The following SF3B1 variants were observed in gnomAD, a reference collection of about 807,000 sequenced individuals.
SF3B1 encodes splicing factor 3b subunit 1, also known as pre-mRNA processing 10.
A neutral mutation model predicts 153.8 loss-of-function variants in SF3B1; 12 were observed. The ratio of observed to expected loss-of-function variants is 0.08; its 90% CI spans 0.05 to 0.13. The LOEUF is 0.13. Among genes scored for constraint, SF3B1 ranks in the 10% least tolerant of loss-of-function variants. SF3B1 has a pLI of 1.00. For synonymous variants in SF3B1, 498 were observed against 525.2 expected (o/e 0.95, Z 0.71); for missense variants, 513 against 1,606.1 (o/e 0.32, Z 11.63).
intron 4 of SF3B1, 186 bp from the exon 5 acceptor site, chr2:197,418,774 T>G: frequency 6.8e-7 from 1 of 1,468,922 alleles, no homozygotes; most frequent in Non-Finnish European, 9.0e-7. Context: ...TTAACCTGTT[T>G]GAACACAAAC....
At chr2:197,394,118 AG>A (rs2084847394) in intron 23 of SF3B1, among the ~76,000 whole-genome samples, 1 of 152,058 alleles carries the variant, frequency 6.6e-6, no homozygotes, top group South Asian at 2.1e-4. Context: ...TGGGGGGTGG[AG>A]GTTGCAGTGA....
At chr2:197,408,154 G>GTATAA in intron 8 of SF3B1, 35 bp from the exon 9 acceptor site, 1 of 1,526,604 alleles carries the variant, frequency 6.6e-7, no homozygotes, top group Non-Finnish European at 9.0e-7. Flanking sequence ...ATAATCTATA[G>GTATAA]TACAAGACTG....
At chr2:197,408,167 T>C in intron 8 of SF3B1, 48 bp from the exon 9 acceptor site, 1 of 1,487,704 alleles carries the variant, frequency 6.7e-7, no homozygotes, top group Non-Finnish European at 9.3e-7. Context: ...CAAGACTGTA[T>C]TATTACATAC....
chr2:197,421,697 A>G (rs181614002), intron 2 of SF3B1, among the ~76,000 whole-genome samples: 21 of 152,224 alleles, frequency 1.4e-4, no homozygotes, highest in Admixed American at 4.6e-4. Flanking sequence ...ACAGAGACCC[A>G]GCTGGGCAAG....
At chr2:197,405,819 A>G (rs1559267406) in intron 9 of SF3B1, among the ~76,000 whole-genome samples, 1 of 152,140 alleles carries the variant, frequency 6.6e-6, no homozygotes, top group Non-Finnish European at 1.5e-5. Context: ...TCGAGCAAAT[A>G]ATGTTTCATA....
At chr2:197,392,839 A>G in intron 24 of SF3B1, 133 bp downstream of exon 24, 1 of 627,026 alleles carries the variant, frequency 1.6e-6, no homozygotes, top group South Asian at 2.0e-5. Context: ...TGACAGGTTG[A>G]TAGGTGCAGC....
chr2:197,434,846 C>A, intron 1 of SF3B1, 126 bp downstream of exon 1: 1 of 1,026,646 alleles, frequency 9.7e-7, no homozygotes, highest in Non-Finnish European at 1.5e-6. Context: ...AGGAGACGAC[C>A]CTTGGCCCCG....
At chr2:197,416,477 C>T in intron 6 of SF3B1, 2 of 331,536 alleles carry the variant, frequency 6.0e-6, no homozygotes, top group East Asian at 5.0e-5. Flanking sequence ...GACTGATGTC[C>T]TCATAGGAAG....
intron 8 of SF3B1, 81 bp downstream of exon 8, chr2:197,408,288 A>G: frequency 7.2e-7 from 1 of 1,393,322 alleles, no homozygotes; most frequent in African/African-American, 1.4e-5. Flanking sequence ...GTTGACATTA[A>G]TAGTACACAG....
chr2:197,409,774 C>A lies in SF3B1; in HGVS notation c.900G>T (p.Glu300Asp). The change falls in exon 7 of 25, where the codon GAG becomes GAT. Residue 300 changes from glutamate (E) to aspartate (D), a missense_variant. Around this residue, in one of 21 missense-constraint regions of SF3B1, gnomAD observed 91 missense variants for 157.4 expected, o/e 0.58. Coordinates refer to ENST00000335508, the MANE Select transcript of SF3B1 (RefSeq NM_012433.4). ...KNRWDETPKT[E>D]RDTPGHGSGW... ...CCCATACTCCACTAGAAGTACCTCT[C>A]TCTGTTTTGGGGGTTTCATCCCATC... 15 of 1,611,932 alleles carry A rather than the reference C, an allele frequency of 9.3e-6. No homozygotes were observed. The highest frequency in any genetic ancestry group is 1.3e-5 in the Non-Finnish European group (15 of 1,178,040).
At chr2:197,407,197 T>C (rs894854205) in intron 9 of SF3B1, among the ~76,000 whole-genome samples, 11 of 152,226 alleles carry the variant, frequency 7.2e-5, no homozygotes, top group Non-Finnish European at 1.6e-4. Flanking sequence ...AGTTATCTGG[T>C]TCCCCCTGGT....
rs1574536318 is a variant in SF3B1 at position 197,409,903 on chromosome 2, T to C, written c.771A>G (p.Thr257=). ...ATPGSKIWDP[T]PSHTPAGAAT... ...CAGCTCCCGCTGGTGTGTGGCTAGG[T>C]GTAGGATCCCATATTTTTGAGCCTG... is the stretch of plus-strand genomic sequence containing the variant. Residue 257 remains threonine, a synonymous_variant, in exon 7 of 25, where the codon ACA becomes ACG. Transcript: ENST00000335508. 5.0e-6 allele frequency: 8 copies of C among 1,614,042 alleles called. No individual in the cohort carries two copies. The highest frequency in any genetic ancestry group is 3.3e-5 in the South Asian group (3 of 91,080).
rs1212223963 is a variant in SF3B1, at chr2:197,401,384, T to C, written c.2496+16A>G. ...GAAAGGACTTTTGAGAATATTCTTT[T>C]ACAATAAAAGCTTACCTGTCGGTAA... On this transcript the variant is annotated intron_variant, in intron 17 of 24. Transcript: ENST00000335508. This position sits in a 1 kb window ranked among gnomAD's most constrained non-coding sequence, Gnocchi z 4.2. 1.3e-6 allele frequency: 2 copies of C among 1,583,750 alleles called. No homozygotes were observed. Among genetic ancestry groups the C allele is most frequent in the Non-Finnish European group, 8.5e-7 (1 of 1,172,064 alleles).
At chr2:197,395,079 A>T (rs1393549642) in intron 23 of SF3B1, among the ~76,000 whole-genome samples, 1 of 152,204 alleles carries the variant, frequency 6.6e-6, no homozygotes, top group Non-Finnish European at 1.5e-5. Context: ...TTCCAACTGA[A>T]GTATTCTTTT....
At position 197,389,943 on chromosome 2, in the gene SF3B1, A is replaced by C. The variant is rs148619553; in HGVS notation, c.*2360T>G. On this transcript the variant is annotated 3_prime_UTR_variant, in exon 25 of 25. Transcript: ENST00000335508. ...AAAAACCAACAAAGGCCCACAGAAA[A>C]ACCCACCCTGTCTCCTTAAGAACAT... 1.3e-5 allele frequency: 2 copies of C among 152,294 alleles called. No individual in the cohort carries two copies. Among genetic ancestry groups the C allele is most frequent in the East Asian group, 3.9e-4 (2 of 5,188 alleles). 9.4% of individuals were successfully genotyped at this position (152,294 alleles called of 1,614,324 possible). A position where few individuals can be genotyped will look rare whatever the true frequency, so the allele number is the denominator to read the frequency against.
At chr2:197,418,916 A>G (rs758493166) in intron 4 of SF3B1, 4 of 1,599,746 alleles carry the variant, frequency 2.5e-6, no homozygotes, top group Middle Eastern at 3.3e-4. Context: ...CTTTGTCTCC[A>G]TCAGCAGTTC....
chr2:197,399,070 A>C, intron 20 of SF3B1: 1 of 1,300,778 alleles, frequency 7.7e-7, no homozygotes, highest in Non-Finnish European at 1.0e-6. Flanking sequence ...GGCAGCTGGC[A>C]GGGGCTCTTG....
rs1487946935 is a variant in SF3B1, at chr2:197,391,751, T to C, written c.*552A>G. On this transcript the variant is annotated 3_prime_UTR_variant, in exon 25 of 25. Coordinates refer to ENST00000335508, the MANE Select transcript of SF3B1 (RefSeq NM_012433.4). Reference sequence around the variant, plus strand: ...TTCTACGATGATGGAATGGTTGTGCTAGTTTGAGGGGAACATCCCCTGAGG... The same window carrying C: ...TTCTACGATGATGGAATGGTTGTGCCAGTTTGAGGGGAACATCCCCTGAGG... The C allele has an allele frequency of 6.5e-6, 1 of 153,342 alleles. No homozygotes were observed. The highest frequency in any genetic ancestry group is 1.5e-5 in the Non-Finnish European group (1 of 68,692). The allele number at this position is 153,342 out of a possible 1,614,324, so 9.5% of individuals were successfully genotyped here.
chr2:197,396,204 C>G lies in SF3B1; in HGVS notation c.3391G>C (p.Ala1131Pro). The G allele has an allele frequency of 6.2e-7, 1 of 1,613,866 alleles. No individual in the cohort carries two copies. The highest frequency in any genetic ancestry group is 8.5e-7 in the Non-Finnish European group (1 of 1,179,894). ...ETCSPFTVLP[A>P]LMNEYRVPEL... ...GGAACTCTGTATTCATTCATTAAGG[C>G]AGGGAGTACTGTAAAGGGTGAACAT... Residue 1131 changes from alanine (A) to proline (P), a missense_variant, in exon 23 of 25, where the codon GCC becomes CCC. Ala to Pro is a conservative substitution (Grantham distance 27). This residue lies in a region of SF3B1 where 17 missense variants were observed against 246.2 expected (regional missense o/e 0.07). Coordinates refer to ENST00000335508, the MANE Select transcript of SF3B1 (RefSeq NM_012433.4).
Sources: allele counts gnomAD v4.1 joint callset (sites outside exome capture counted in the v4.1 genomes callset), GRCh38; gene constraint gnomAD v4.1.1; regional missense constraint gnomAD v4.1.1; non-coding constraint Gnocchi (gnomAD v3.1); transcripts MANE v1.5; gene names NCBI Gene and HGNC (gene_info 2026-07-23, HGNC 2026-07-21).